Variants in ANO2 observed in about 807,000 individuals in gnomAD.
The protein encoded by ANO2 is anoctamin-2.
ANO2 carries 101 observed loss-of-function variants against 124.2 expected under a neutral mutation model. That is an observed-to-expected ratio of 0.81 (90% CI 0.69 to 0.96). The LOEUF is 0.96. Ranked by LOEUF, ANO2 falls within the 40% of genes least tolerant of loss-of-function variation. The pLI, the probability that ANO2 is intolerant of heterozygous loss-of-function variation, is 0.00. For missense variants in ANO2, 1,293 were observed against 1,274.5 expected (o/e 1.01, Z -0.22); for synonymous variants, 486 against 482.5 (o/e 1.01, Z -0.09).
rs141936584 is a variant in ANO2, at chr12:5,849,929, C to T, written c.633+4114G>A. 3.7e-3 allele frequency among the ~76,000 whole-genome samples: 560 copies of T among 152,274 alleles called. 3 individuals are homozygous for T. Among genetic ancestry groups the T allele is most frequent in the African/African-American group, 0.013 (535 of 41,548 alleles). On this transcript the variant is annotated intron_variant, in intron 4 of 24. Coordinates refer to ENST00000682330, the MANE Select transcript of ANO2 (RefSeq NM_001364791.2). ...CTAGCCCTCCACAGACAGCGAGTCT[C>T]GTCTTCCATTTTCCATGCTCCTCTC...
intron 3 of ANO2, among the ~76,000 whole-genome samples, chr12:5,875,057 A>G (rs955011194): frequency 6.6e-6 from 1 of 152,208 alleles, no homozygotes; most frequent in Admixed American, 6.5e-5. Flanking sequence ...TGATAGACAT[A>G]TCTGCACCTG....
intron 22 of ANO2, among the ~76,000 whole-genome samples, chr12:5,576,608 G>A (rs1942428120): frequency 6.6e-6 from 1 of 152,216 alleles, no homozygotes; most frequent in South Asian, 2.1e-4. Context: ...CCTGCTAGGT[G>A]GAGCCACACA....
intron 13 of ANO2, among the ~76,000 whole-genome samples, chr12:5,735,618 A>C (rs932463422): frequency 6.6e-6 from 1 of 152,206 alleles, no homozygotes; most frequent in African/African-American, 2.4e-5. Context: ...TGGCTGCTTC[A>C]GATTGGGGAG....
intron 9 of ANO2, among the ~76,000 whole-genome samples, chr12:5,801,413 T>G (rs1261563998): frequency 6.6e-6 from 1 of 152,232 alleles, no homozygotes; most frequent in East Asian, 1.9e-4. Context: ...GCTATTTTGT[T>G]ACATTATTTA....
At chr12:5,762,263 G>T (rs999708221) in intron 10 of ANO2, among the ~76,000 whole-genome samples, 1 of 151,812 alleles carries the variant, frequency 6.6e-6, no homozygotes, top group Non-Finnish European at 1.5e-5. Flanking sequence ...CCTACTTTTG[G>T]CTTCTTATTA....
intron 16 of ANO2, among the ~76,000 whole-genome samples, chr12:5,624,436 G>A (rs1170685544): frequency 2.0e-5 from 3 of 152,076 alleles, no homozygotes; most frequent in African/African-American, 7.2e-5. Flanking sequence ...GGAGAGAGCA[G>A]GAAGGTGTGC....
At chr12:5,774,950 G>C (rs1952183991) in intron 10 of ANO2, among the ~76,000 whole-genome samples, 1 of 152,158 alleles carries the variant, frequency 6.6e-6, no homozygotes, top group South Asian at 2.1e-4. Context: ...AGCAAGGAAA[G>C]AAAAAGAACA....
chr12:5,773,547 G>T (rs1230455880), intron 10 of ANO2, among the ~76,000 whole-genome samples: 4 of 152,196 alleles, frequency 2.6e-5, no homozygotes, highest in Non-Finnish European at 5.9e-5. Context: ...ACTCAGAAAT[G>T]TTAGCTACCA....
intron 14 of ANO2, among the ~76,000 whole-genome samples, chr12:5,680,437 C>T (rs563986453): frequency 2.6e-5 from 4 of 152,048 alleles, no homozygotes; most frequent in African/African-American, 4.8e-5. Flanking sequence ...AAGTAAGGAA[C>T]GGCTAAAATA....
intron 3 of ANO2, among the ~76,000 whole-genome samples, chr12:5,899,960 T>C (rs1296248185): frequency 6.6e-6 from 1 of 152,232 alleles, no homozygotes; most frequent in African/African-American, 2.4e-5. Context: ...TTTCCCCAGA[T>C]GAATTTAAAA....
At chr12:5,744,392 T>C in intron 11 of ANO2, 75 bp from the exon 12 acceptor site, 1 of 1,523,618 alleles carries the variant, frequency 6.6e-7, no homozygotes, top group Non-Finnish European at 9.0e-7. Flanking sequence ...ATCCCCCAAA[T>C]AGCTCCCATT....
chr12:5,597,306 G>A (rs1943712083), intron 20 of ANO2, among the ~76,000 whole-genome samples: 1 of 152,016 alleles, frequency 6.6e-6, no homozygotes, highest in Admixed American at 6.5e-5. Flanking sequence ...GTGTCCATGT[G>A]TTCTCATGGT....
At chr12:5,597,486 C>A (rs1438017079) in intron 20 of ANO2, among the ~76,000 whole-genome samples, 1 of 152,146 alleles carries the variant, frequency 6.6e-6, no homozygotes, top group Non-Finnish European at 1.5e-5. Context: ...CTTTACCCAG[C>A]CTATCATTGA....
intron 3 of ANO2, among the ~76,000 whole-genome samples, chr12:5,896,517 T>G (rs568037751): frequency 2.0e-5 from 3 of 152,262 alleles, no homozygotes; most frequent in Non-Finnish European, 2.9e-5. Context: ...TTCCCCTCCT[T>G]TTAAGCCCCA....
chr12:5,742,622 A>G (rs1241571559), intron 12 of ANO2, among the ~76,000 whole-genome samples: 2 of 152,220 alleles, frequency 1.3e-5, no homozygotes, highest in Non-Finnish European at 1.5e-5. Flanking sequence ...ACAGGGGATT[A>G]TGTGTCCCAA....
intron 14 of ANO2, among the ~76,000 whole-genome samples, chr12:5,694,652 G>T (rs909982947): frequency 6.6e-6 from 1 of 152,188 alleles, no homozygotes; most frequent in Non-Finnish European, 1.5e-5. Flanking sequence ...TCAGAATATC[G>T]ATTTCAAAAT....
At chr12:5,571,560 T>C (rs1039244461) in intron 23 of ANO2, among the ~76,000 whole-genome samples, 6 of 152,236 alleles carry the variant, frequency 3.9e-5, no homozygotes, top group Admixed American at 6.5e-5. Context: ...CCAACGCTAT[T>C]TGCCAGAAAA....
At chr12:5,864,835 C>T (rs1054209226) in intron 3 of ANO2, among the ~76,000 whole-genome samples, 10 of 152,148 alleles carry the variant, frequency 6.6e-5, no homozygotes, top group Non-Finnish European at 1.5e-4. Context: ...CACTTAATAG[C>T]CATCAAACCT....
intron 11 of ANO2, 133 bp from the exon 12 acceptor site, chr12:5,744,450 AAGAAG>A: frequency 1.0e-6 from 1 of 983,018 alleles, no homozygotes; most frequent in Non-Finnish European, 1.5e-6. Flanking sequence ...AGGAATGTTA[AAGAAG>A]TTAGCATTGT....
Sources: allele counts gnomAD v4.1 joint callset (sites outside exome capture counted in the v4.1 genomes callset), GRCh38; gene constraint gnomAD v4.1.1; transcripts MANE v1.5; gene names NCBI Gene and HGNC (gene_info 2026-07-23, HGNC 2026-07-21).